The following NR2E1 variants were observed in gnomAD, a reference collection of about 807,000 sequenced individuals.
The protein encoded by NR2E1 is nuclear receptor subfamily 2 group E member 1.
Under a neutral mutation model 43.6 loss-of-function variants are expected in NR2E1, and 5 were observed. The observed-to-expected ratio is 0.11, with a 90% CI of 0.06 to 0.24. The LOEUF (loss-of-function observed/expected upper bound fraction) is 0.24. Ranked by LOEUF, NR2E1 falls within the 10% of genes least tolerant of loss-of-function variation. The probability of loss-of-function intolerance (pLI) is 1.00; values close to 1 mark genes in which losing one functional copy is unlikely to be tolerated. For synonymous variants in NR2E1, 191 were observed against 195.5 expected, an observed-to-expected ratio of 0.98 and a Z score of 0.19; for missense variants, 287 against 496.7, an observed-to-expected ratio of 0.58 and a Z score of 4.01.
At chr6:108,175,296 A>C (rs1161605219) in intron 3 of NR2E1, among the ~76,000 whole-genome samples, 5 of 152,220 alleles carry the variant, frequency 3.3e-5, no homozygotes, top group Non-Finnish European at 7.3e-5. Flanking sequence ...CCAGGATCTT[A>C]AAATCTGGAT....
intron 3 of NR2E1, chr6:108,176,004 C>T (rs1445052483): frequency 6.3e-6 from 1 of 159,366 alleles, no homozygotes; most frequent in East Asian, 1.9e-4. Flanking sequence ...CTCCTGCGGC[C>T]CTCGGAGGCC....
chr6:108,187,816 C>CT lies in NR2E1; in HGVS notation c.*355dup, dbSNP rs1188270435. The CT allele has an allele frequency of 1.2e-5, 4 of 322,504 alleles. No homozygotes were observed. The East Asian group carries it at 2.8e-4, about 23-fold the overall frequency. The allele number at this position is 322,504 out of a possible 1,614,324, so 20.0% of individuals were successfully genotyped here. ...AGCTGAAACATAAGTAGTGCTTTCT[C>CT]TTCCTTTTTAGCATACAAAGTTTGG... On this transcript the variant is annotated 3_prime_UTR_variant, in exon 9 of 9. Transcript: ENST00000368986.
chr6:108,166,319 ACT>A lies in NR2E1; in HGVS notation c.-444_-443del, dbSNP rs1052181709. ...CCAGCGGTCGGCAGAGATTGCCCACACTCTGCATGCCTATGTAGAGGGAGAGA... is the reference window on the plus strand; with the variant it reads ...CCAGCGGTCGGCAGAGATTGCCCACACTGCATGCCTATGTAGAGGGAGAGA... On this transcript the variant is annotated 5_prime_UTR_variant, in exon 1 of 9. Coordinates refer to ENST00000368986, the MANE Select transcript of NR2E1 (RefSeq NM_003269.5). This position sits in a 1 kb window ranked among gnomAD's most constrained non-coding sequence, Gnocchi z 7.2. The A allele has an allele frequency of 6.3e-6, 1 of 157,820 alleles. No homozygotes were observed. The highest frequency in any genetic ancestry group is 2.4e-5 in the African/African-American group (1 of 41,484). The allele number at this position is 157,820 out of a possible 1,614,324, so 9.8% of individuals were successfully genotyped here.
At position 108,187,787 on chromosome 6, in the gene NR2E1, C is replaced by T. The variant is rs954321590; in HGVS notation, c.*324C>T. The T allele has an allele frequency of 8.0e-6, 3 of 373,812 alleles. No homozygotes were observed. Among genetic ancestry groups the T allele is most frequent in the African/African-American group, 6.2e-5 (3 of 48,272 alleles). 23.2% of individuals were successfully genotyped at this position (373,812 alleles called of 1,614,324 possible). ...TACCTGGAAGATCAGGCTGAACGAT[C>T]AAAAGCTGAAACATAAGTAGTGCTT... On this transcript the variant is annotated 3_prime_UTR_variant, in exon 9 of 9. Coordinates refer to ENST00000368986, the MANE Select transcript of NR2E1 (RefSeq NM_003269.5).
chr6:108,175,101 C>A (rs909755260), intron 3 of NR2E1, among the ~76,000 whole-genome samples, 178 bp downstream of exon 3: 3 of 152,210 alleles, frequency 2.0e-5, no homozygotes, highest in African/African-American at 7.2e-5. Flanking sequence ...GAGCCGCTGG[C>A]GACCCCTAGA....
chr6:108,169,436 G>C lies in NR2E1; in HGVS notation c.26-2022G>C, dbSNP rs950138577. Among the ~76,000 whole-genome samples the C allele has an allele frequency of 6.6e-6, 1 of 152,178 alleles. No individual in the cohort carries two copies. Among genetic ancestry groups the C allele is most frequent in the Non-Finnish European group, 1.5e-5 (1 of 68,030 alleles). ...TGTCCGGATGGGAAGTGGGGAAAAA[G>C]AGACCCCACCACTGCTCCTCCCACT... On this transcript the variant is annotated intron_variant, in intron 1 of 8. Transcript: ENST00000368986. The surrounding 1 kb of genome is among the most constrained non-coding windows in gnomAD (Gnocchi z 6.1).
rs768308733 is a variant in NR2E1, at chr6:108,180,938, A to G, written c.871A>G (p.Ile291Val). The G allele has an allele frequency of 8.1e-6, 13 of 1,614,076 alleles. No individual in the cohort carries two copies. Among genetic ancestry groups the G allele is most frequent in the Non-Finnish European group, 1.1e-5 (13 of 1,180,036 alleles). Residue 291 changes from isoleucine to valine, a missense_variant, in exon 7 of 9, where the codon ATC (isoleucine) becomes GTC (valine). By Grantham distance (29) the Ile-to-Val change is conservative (BLOSUM62 3). Around this residue, in one of 4 missense-constraint regions of NR2E1, gnomAD observed 119 missense variants for 187.0 expected, o/e 0.64. Transcript: ENST00000368986. This position sits in a 1 kb window ranked among gnomAD's most constrained non-coding sequence, Gnocchi z 5.4. ...TACTGAATTTGCCTGTCTAAAATGC[A>G]TCGTCACTTTCAAAGCCGGTAAGCA... ...DATEFACLKC[I>V]VTFKAVPTHS...
At chr6:108,186,113 T>A (rs960122102) in intron 8 of NR2E1, among the ~76,000 whole-genome samples, 6 of 151,990 alleles carry the variant, frequency 3.9e-5, no homozygotes, top group Non-Finnish European at 7.4e-5. Context: ...AGAAATACAT[T>A]AAACAAGGAG....
intron 8 of NR2E1, among the ~76,000 whole-genome samples, chr6:108,183,891 G>A (rs902414348): frequency 5.9e-5 from 9 of 152,032 alleles, no homozygotes; most frequent in Non-Finnish European, 1.5e-5. Context: ...CATAATCTGG[G>A]TACTTCTACT....
In NR2E1 at chr6:108,176,446, C is replaced by T. The variant is rs1773898490; in HGVS notation, c.260-57C>T. 1.7e-5 allele frequency: 27 copies of T among 1,544,828 alleles called. No individual in the cohort carries two copies. In the South Asian group the frequency reaches 2.8e-4, roughly 16 times the overall value. The stretch of plus-strand genomic sequence containing the variant: ...GGCGGGGCTGGGGGGAGAGCCGCAG[C>T]GGCTGTGTCTCGACGTCTCTAATCG... On this transcript the variant is annotated intron_variant, in intron 3 of 8. Transcript: ENST00000368986.
chr6:108,176,088 C>T (rs1248273227), intron 3 of NR2E1: 2 of 183,386 alleles, frequency 1.1e-5, no homozygotes, highest in Non-Finnish European at 2.3e-5. Context: ...AAAGTCTGCG[C>T]AGAAACGAGG....
rs550398692 is a variant in NR2E1 at position 108,166,864 on chromosome 6, T to C, written c.25+74T>C. The C allele has an allele frequency of 3.0e-5, 43 of 1,449,404 alleles. No homozygotes were observed. The East Asian group carries it at 8.6e-4, about 29-fold the overall frequency. 89.8% of individuals were successfully genotyped at this position (1,449,404 alleles called of 1,614,324 possible). A position where few individuals can be genotyped will look rare whatever the true frequency, so the allele number is the denominator to read the frequency against. On this transcript the variant is annotated intron_variant, in intron 1 of 8. Coordinates refer to ENST00000368986, the MANE Select transcript of NR2E1 (RefSeq NM_003269.5). This position sits in a 1 kb window ranked among gnomAD's most constrained non-coding sequence, Gnocchi z 7.2. ...GAGCGAGCGGGGAGGCTGGGGGAGGTCCTGCCTGGAGCGCTGCGAATCTGA... is the reference window on the plus strand; with the variant it reads ...GAGCGAGCGGGGAGGCTGGGGGAGGCCCTGCCTGGAGCGCTGCGAATCTGA...
intron 7 of NR2E1, 131 bp from the exon 8 acceptor site, chr6:108,181,415 A>G: frequency 1.3e-6 from 1 of 790,582 alleles, no homozygotes; most frequent in Non-Finnish European, 2.2e-6. Flanking sequence ...GTTGGTCTCG[A>G]ACTGCTGACC....
At chr6:108,176,132 A>G (rs539228055) in intron 3 of NR2E1, 9 of 242,298 alleles carry the variant, frequency 3.7e-5, no homozygotes, top group Non-Finnish European at 5.6e-5. Context: ...TCTCTTTTGG[A>G]TGGGGGCGAG....
At chr6:108,170,746 A>G (rs1773798445) in intron 1 of NR2E1, among the ~76,000 whole-genome samples, 1 of 152,128 alleles carries the variant, frequency 6.6e-6, no homozygotes, top group South Asian at 2.1e-4. Flanking sequence ...CCGACAGGGA[A>G]CCGACAACTT....
intron 5 of NR2E1, among the ~76,000 whole-genome samples, chr6:108,179,826 A>G (rs1200516952): frequency 1.3e-5 from 2 of 152,102 alleles, no homozygotes; most frequent in African/African-American, 4.8e-5. Flanking sequence ...TAACATAATT[A>G]CACCCTGATT....
chr6:108,180,848 A>G lies in NR2E1; in HGVS notation c.781A>G (p.Ile261Val). The G allele has an allele frequency of 1.2e-6, 2 of 1,614,126 alleles. No individual in the cohort carries two copies. The highest frequency in any genetic ancestry group is 1.7e-6 in the Non-Finnish European group (2 of 1,179,950). ...DNTDSQKLNKIISEIQALQEV... is the reference protein window; with the variant it reads ...DNTDSQKLNKVISEIQALQEV... ...CACAGATTCCCAGAAGCTGAACAAG[A>G]TCATATCTGAAATACAGGCTTTACA... Residue 261 changes from isoleucine to valine, a missense_variant, in exon 7 of 9, where the codon ATC (isoleucine) becomes GTC (valine). By Grantham distance (29) the Ile-to-Val change is conservative. Coordinates refer to ENST00000368986, the MANE Select transcript of NR2E1 (RefSeq NM_003269.5). The surrounding 1 kb of genome is among the most constrained non-coding windows in gnomAD (Gnocchi z 5.4).
At chr6:108,177,990 CT>C in intron 4 of NR2E1, 104 bp from the exon 5 acceptor site, 1 of 1,272,192 alleles carries the variant, frequency 7.9e-7, no homozygotes, top group Admixed American at 1.7e-5. Flanking sequence ...CATCCAAATT[CT>C]TTTTTATCCC....
In NR2E1 at chr6:108,166,846, C is replaced by T; in HGVS notation, c.25+56C>T. 6.5e-7 allele frequency: 1 copy of T among 1,544,422 alleles called. No individual in the cohort carries two copies. ...AGGCGCGCAGCCTGGGGCGAGCGAG[C>T]GGGGAGGCTGGGGGAGGTCCTGCCT... is the stretch of plus-strand genomic sequence containing the variant. On this transcript the variant is annotated intron_variant, in intron 1 of 8. Transcript: ENST00000368986. This position sits in a 1 kb window ranked among gnomAD's most constrained non-coding sequence, Gnocchi z 7.2.
Sources: allele counts gnomAD v4.1 joint callset (sites outside exome capture counted in the v4.1 genomes callset), GRCh38; gene constraint gnomAD v4.1.1; regional missense constraint gnomAD v4.1.1; non-coding constraint Gnocchi (gnomAD v3.1); transcripts MANE v1.5; gene names NCBI Gene and HGNC (gene_info 2026-07-23, HGNC 2026-07-21).